The following FRAS1 variants were observed in gnomAD, a reference collection of about 807,000 sequenced individuals.
The protein encoded by FRAS1 is Fraser extracellular matrix complex subunit 1, also known as extracellular matrix organizing protein FRAS1.
Under a neutral mutation model 435.2 loss-of-function variants are expected in FRAS1, and 290 were observed. The ratio of observed to expected loss-of-function variants is 0.67; its 90% CI spans 0.61 to 0.73. The LOEUF is 0.73. FRAS1 is among the 30% of genes least tolerant of loss of function. The pLI is 0.00. For missense variants in FRAS1, 4,860 were observed against 5,001.5 expected, an observed-to-expected ratio of 0.97 and a Z score of 0.85; for synonymous variants, 1,800 against 1,851.0, an observed-to-expected ratio of 0.97 and a Z score of 0.71.
chr4:78,244,753 TC>T (rs1725155067), intron 3 of FRAS1, among the ~76,000 whole-genome samples: 1 of 152,170 alleles, frequency 6.6e-6, no homozygotes, highest in Middle Eastern at 3.2e-3. Flanking sequence ...AGATATTACT[TC>T]CTCTCAGAAC....
At chr4:78,301,846 G>GTTTTTTTTTTTTT (rs59794614) in intron 14 of FRAS1, among the ~76,000 whole-genome samples, 2 of 103,934 alleles carry the variant, frequency 1.9e-5, no homozygotes, top group Non-Finnish European at 3.7e-5. Context: ...CACAGAAACA[G>GTTTTTTTTTTTTT]TTTTTTTTTT....
intron 51 of FRAS1, 65 bp downstream of exon 51, chr4:78,470,156 T>C (rs1470389684): frequency 9.6e-7 from 1 of 1,039,842 alleles, no homozygotes; most frequent in Non-Finnish European, 1.5e-6. Context: ...TTCACGACAA[T>C]GACTTATGAA....
chr4:78,221,408 G>T (rs1403313997), intron 2 of FRAS1, among the ~76,000 whole-genome samples: 1 of 152,036 alleles, frequency 6.6e-6, no homozygotes, highest in African/African-American at 2.4e-5. Context: ...TTACCCGAGG[G>T]TTTTTTGGCA....
intron 14 of FRAS1, among the ~76,000 whole-genome samples, chr4:78,305,105 T>A (rs1728640854): frequency 1.3e-5 from 2 of 152,160 alleles, no homozygotes; most frequent in Non-Finnish European, 2.9e-5. Flanking sequence ...ATTTCTGCCT[T>A]CATTTTGTTA....
At chr4:78,363,694 A>G (rs1212881478) in intron 21 of FRAS1, 29 bp downstream of exon 21, 5 of 1,560,762 alleles carry the variant, frequency 3.2e-6, no homozygotes, top group Admixed American at 3.8e-5. Context: ...CAGGAGCTGG[A>G]GCTGCCACCT....
At chr4:78,528,809 G>T (rs569272756) in intron 70 of FRAS1, among the ~76,000 whole-genome samples, 2 of 152,212 alleles carry the variant, frequency 1.3e-5, no homozygotes, top group African/African-American at 4.8e-5. Flanking sequence ...ACAGATGTAT[G>T]TTTAACTTTT....
chr4:78,176,947 C>T (rs1021548548), intron 2 of FRAS1, among the ~76,000 whole-genome samples: 1 of 152,250 alleles, frequency 6.6e-6, no homozygotes, highest in African/African-American at 2.4e-5. Context: ...CCCATCAAAA[C>T]ATCACAGGGA....
In FRAS1 at chr4:78,255,228, C is replaced by A. The variant is rs901917817; in HGVS notation, c.470-14C>A. The A allele has an allele frequency of 1.2e-5, 18 of 1,551,586 alleles. No homozygotes were observed. The African/African-American group carries it at 1.9e-4, about 17-fold the overall frequency. ...GCCATCCCCCTAGTAATCCTTGTTT[C>A]TTTGACCTTCCAGAACCCTGTTCCT... is the stretch of plus-strand genomic sequence containing the variant. On this transcript the variant is annotated splice_polypyrimidine_tract_variant and intron_variant, in intron 5 of 73. Transcript: ENST00000512123.
chr4:78,210,748 T>C (rs1723469052), intron 2 of FRAS1, among the ~76,000 whole-genome samples: 1 of 152,196 alleles, frequency 6.6e-6, no homozygotes, highest in Non-Finnish European at 1.5e-5. Context: ...GGTAAGTGAA[T>C]TATCTATATC....
intron 9 of FRAS1, among the ~76,000 whole-genome samples, chr4:78,269,212 G>A (rs760550393): frequency 1.3e-5 from 2 of 152,190 alleles, no homozygotes. Context: ...AATAAGGCTC[G>A]TTATGACCTT....
intron 2 of FRAS1, among the ~76,000 whole-genome samples, chr4:78,208,149 C>T (rs150314668): frequency 1.5e-3 from 222 of 152,166 alleles, no homozygotes; most frequent in African/African-American, 5.3e-3. Context: ...ACTAACAGCC[C>T]GGAGCCTGAT....
At chr4:78,388,340 A>C (rs1048385737) in intron 29 of FRAS1, among the ~76,000 whole-genome samples, 3 of 150,722 alleles carry the variant, frequency 2.0e-5, no homozygotes, top group East Asian at 1.9e-4. Context: ...CCAAAAAAAA[A>C]AAAAAACAAA....
chr4:78,277,601 C>T (rs1727116653), intron 9 of FRAS1, among the ~76,000 whole-genome samples: 1 of 152,006 alleles, frequency 6.6e-6, no homozygotes, highest in Non-Finnish European at 1.5e-5. Context: ...TGAAAAACAG[C>T]AGATTTTCTG....
chr4:78,181,911 C>T (rs1243799422), intron 2 of FRAS1: 16 of 1,610,576 alleles, frequency 9.9e-6, no homozygotes, highest in Middle Eastern at 2.3e-4. Context: ...GGGCCCCCAA[C>T]GCCACCCCTG....
Position 78,217,325 on chromosome 4 carries a change from T to C in FRAS1, c.109-20185T>C, listed in dbSNP as rs550719840. On this transcript the variant is annotated intron_variant, in intron 2 of 73. Coordinates refer to ENST00000512123, the MANE Select transcript of FRAS1 (RefSeq NM_025074.7). ...ACCCAAAAAGAATACTTTCCAGGTA[T>C]CTGGGCATCCCTTAGCCCAGTCACA... Among the ~76,000 whole-genome samples the C allele has an allele frequency of 7.2e-5, 11 of 152,332 alleles. No individual in the cohort carries two copies. In the South Asian group the frequency reaches 2.1e-3, roughly 29 times the overall value.
At chr4:78,539,856 A>G (rs574642917) in intron 73 of FRAS1, among the ~76,000 whole-genome samples, 1 of 152,358 alleles carries the variant, frequency 6.6e-6, no homozygotes, top group East Asian at 1.9e-4. Context: ...CAAATACCTT[A>G]AGTCTTAGCA....
At chr4:78,333,467 G>GCATA (rs1730027241) in intron 19 of FRAS1, 55 bp downstream of exon 19, 1 of 1,550,508 alleles carries the variant, frequency 6.4e-7, no homozygotes, top group Admixed American at 1.9e-5. Flanking sequence ...TGTCTTCAGA[G>GCATA]CATAGCCAGA....
At chr4:78,456,374 C>G (rs866865460) in intron 47 of FRAS1, among the ~76,000 whole-genome samples, 3 of 152,086 alleles carry the variant, frequency 2.0e-5, no homozygotes, top group Admixed American at 6.5e-5. Flanking sequence ...AACTCCTGAC[C>G]TCAAGTGATC....
chr4:78,274,116 T>A (rs1398304725), intron 9 of FRAS1, among the ~76,000 whole-genome samples: 1 of 152,248 alleles, frequency 6.6e-6, no homozygotes, highest in Non-Finnish European at 1.5e-5. Flanking sequence ...GTGTTTATAG[T>A]ATTCTCTGAT....
Sources: allele counts gnomAD v4.1 joint callset (sites outside exome capture counted in the v4.1 genomes callset), GRCh38; gene constraint gnomAD v4.1.1; transcripts MANE v1.5; gene names NCBI Gene and HGNC (gene_info 2026-07-23, HGNC 2026-07-21).